The following SPAG17 variants were observed in gnomAD, a reference collection of about 807,000 sequenced individuals.
SPAG17 encodes the protein sperm-associated antigen 17.
Under a neutral mutation model 273.6 loss-of-function variants are expected in SPAG17, and 169 were observed. The observed-to-expected ratio is 0.62, with a 90% CI of 0.55 to 0.70. SPAG17 has a LOEUF of 0.70. Among genes scored for constraint, SPAG17 ranks in the 30% least tolerant of loss-of-function variants. The pLI is 0.00. For synonymous variants in SPAG17, 825 were observed against 873.2 expected, an observed-to-expected ratio of 0.94 and a Z score of 0.97; for missense variants, 2,557 against 2,627.8, an observed-to-expected ratio of 0.97 and a Z score of 0.59.
At chr1:118,007,961 A>T in intron 31 of SPAG17, 83 bp downstream of exon 31, 1 of 1,531,802 alleles carries the variant, frequency 6.5e-7, no homozygotes, top group Non-Finnish European at 9.0e-7. Flanking sequence ...CATTGCAGGC[A>T]TTTTTACTGC....
chr1:118,031,567 C>T (rs529823928), intron 25 of SPAG17, 125 bp downstream of exon 25: 100 of 1,035,672 alleles, frequency 9.7e-5, no homozygotes, highest in Middle Eastern at 7.1e-4. Context: ...CTACAAGGGA[C>T]GTTAATGTAT....
chr1:118,066,227 G>A (rs1652952531), intron 18 of SPAG17, among the ~76,000 whole-genome samples: 1 of 152,076 alleles, frequency 6.6e-6, no homozygotes. Context: ...CATACTTAAT[G>A]AGAAGAGAGA....
chr1:118,072,939 C>T (rs972007939), intron 17 of SPAG17, among the ~76,000 whole-genome samples: 6 of 150,884 alleles, frequency 4.0e-5, no homozygotes, highest in African/African-American at 1.5e-4. Context: ...TAGAGATCAC[C>T]GAGTAAAGTA....
intron 1 of SPAG17, among the ~76,000 whole-genome samples, chr1:118,165,662 T>TTTC (rs1356554726): frequency 2.8e-4 from 41 of 148,738 alleles, no homozygotes; most frequent in African/African-American, 9.6e-4. Context: ...TTTTTTTTTT[T>TTTC]TGAGACGGAG....
intron 10 of SPAG17, 197 bp from the exon 11 acceptor site, chr1:118,087,205 G>A: frequency 2.4e-6 from 1 of 410,044 alleles, no homozygotes; most frequent in Non-Finnish European, 4.2e-6. Context: ...CATGCATTAA[G>A]GTAGATATAA....
intron 46 of SPAG17, among the ~76,000 whole-genome samples, chr1:117,967,439 A>AAAAT: frequency 6.6e-6 from 1 of 152,176 alleles, no homozygotes; most frequent in South Asian, 2.1e-4. Flanking sequence ...GGCCACACAC[A>AAAAT]AAATATACTA....
At chr1:118,082,217 T>C (rs1557998467) in intron 13 of SPAG17, among the ~76,000 whole-genome samples, 1 of 152,224 alleles carries the variant, frequency 6.6e-6, no homozygotes, top group Non-Finnish European at 1.5e-5. Flanking sequence ...TTGCTCACTC[T>C]TTCATTGGTT....
intron 29 of SPAG17, among the ~76,000 whole-genome samples, chr1:118,014,717 C>G (rs1374781909): frequency 6.6e-6 from 1 of 152,152 alleles, no homozygotes; most frequent in Admixed American, 6.5e-5. Flanking sequence ...AGTTCACACA[C>G]AAGAGTTAAG....
At chr1:118,030,891 A>G (rs1014909410) in intron 25 of SPAG17, among the ~76,000 whole-genome samples, 51 of 152,136 alleles carry the variant, frequency 3.4e-4, no homozygotes, top group African/African-American at 1.2e-3. Flanking sequence ...AAATAGTGCT[A>G]CAATAAACAT....
chr1:118,048,449 T>C (rs1286036903), intron 20 of SPAG17, among the ~76,000 whole-genome samples: 1 of 152,138 alleles, frequency 6.6e-6, no homozygotes, highest in African/African-American at 2.4e-5. Flanking sequence ...AATAAAATAA[T>C]TCAACTTTTT....
chr1:118,096,368 T>C (rs1395083922), intron 7 of SPAG17, among the ~76,000 whole-genome samples: 1 of 151,910 alleles, frequency 6.6e-6, no homozygotes, highest in Non-Finnish European at 1.5e-5. Flanking sequence ...TTTTTTTTCT[T>C]GTCAGCTACC....
chr1:117,978,620 T>C lies in SPAG17; in HGVS notation c.6004+2650A>G, dbSNP rs1655388951. Among the ~76,000 whole-genome samples the C allele has an allele frequency of 2.0e-5, 3 of 152,170 alleles. No homozygotes were observed. The South Asian group carries it at 6.2e-4, about 32-fold the overall frequency. On this transcript the variant is annotated intron_variant, in intron 43 of 48. Coordinates refer to ENST00000336338, the MANE Select transcript of SPAG17 (RefSeq NM_206996.4). ...TAGTCTTTTAAGCAAAACTCTAGGG[T>C]AAAGCTGTGTACATTTGTGCTGCCA...
chr1:118,092,182 G>T (rs150988831), intron 8 of SPAG17, among the ~76,000 whole-genome samples, 180 bp from the exon 9 acceptor site: 140 of 152,268 alleles, frequency 9.2e-4, no homozygotes, highest in African/African-American at 3.4e-3. Context: ...AAGGAAAGAA[G>T]GTAATGGTAT....
At chr1:117,968,668 C>T (rs1422962059) in intron 46 of SPAG17, among the ~76,000 whole-genome samples, 2 of 152,144 alleles carry the variant, frequency 1.3e-5, no homozygotes, top group African/African-American at 2.4e-5. Flanking sequence ...ATGGCATAGT[C>T]GTGACAAGAA....
chr1:118,172,613 C>T (rs1660469539), intron 1 of SPAG17, among the ~76,000 whole-genome samples: 1 of 152,168 alleles, frequency 6.6e-6, no homozygotes, highest in African/African-American at 2.4e-5. Flanking sequence ...AATCTAAACT[C>T]TACCTATAAG....
intron 4 of SPAG17, among the ~76,000 whole-genome samples, chr1:118,103,516 G>A (rs1656198937): frequency 1.3e-5 from 2 of 152,184 alleles, no homozygotes; most frequent in Non-Finnish European, 1.5e-5. Flanking sequence ...GCAGCAACGA[G>A]AGCACAGGTA....
chr1:117,984,329 A>T (rs918973390), intron 41 of SPAG17, among the ~76,000 whole-genome samples: 1 of 152,232 alleles, frequency 6.6e-6, no homozygotes, highest in African/African-American at 2.4e-5. Flanking sequence ...AGGAAATTTT[A>T]ACTGAATAAA....
chr1:118,010,036 T>C (rs1029405735), intron 30 of SPAG17, among the ~76,000 whole-genome samples: 1 of 152,090 alleles, frequency 6.6e-6, no homozygotes, highest in Middle Eastern at 3.4e-3. Context: ...TCTACAGAAG[T>C]TGAACTCATG....
At chr1:118,046,102 C>G (rs1650322973) in intron 20 of SPAG17, among the ~76,000 whole-genome samples, 1 of 152,002 alleles carries the variant, frequency 6.6e-6, no homozygotes, top group South Asian at 2.1e-4. Context: ...CTTTGAGAGG[C>G]CCTGGAGGAG....
Sources: allele counts gnomAD v4.1 joint callset (sites outside exome capture counted in the v4.1 genomes callset), GRCh38; gene constraint gnomAD v4.1.1; transcripts MANE v1.5; gene names NCBI Gene and HGNC (gene_info 2026-07-23, HGNC 2026-07-21).